The following ACOT9 variants were observed in gnomAD, a reference collection of about 807,000 sequenced individuals.
ACOT9 encodes acyl-CoA thioesterase 9, also known as acyl-coenzyme A thioesterase 9, mitochondrial.
Under a neutral mutation model 39.7 loss-of-function variants are expected in ACOT9, and 34 were observed. The observed-to-expected ratio is 0.86, with a 90% CI of 0.65 to 1.14. ACOT9 has a LOEUF of 1.14. ACOT9 is among the 50% of genes most tolerant of loss of function. ACOT9 has a pLI of 0.00. For missense variants in ACOT9, 313 were observed against 344.1 expected, an observed-to-expected ratio of 0.91 and a Z score of 0.71; for synonymous variants, 110 against 120.5, an observed-to-expected ratio of 0.91 and a Z score of 0.57.
At chrX:23,740,717 TACACACACACACACACAC>T (rs67075682) in intron 1 of ACOT9, among the ~76,000 whole-genome samples, 53 of 92,102 alleles carry the variant, frequency 5.8e-4, no homozygotes, top group South Asian at 2.4e-3. Flanking sequence ...CCCCAATACA[TACACACACACACACACAC>T]ACACACACAC....
rs149412949 is a variant in ACOT9 at position 23,706,681 on chromosome X, G to A, written c.789C>T (p.Ser263=). ...SSTSLLKMAP[S]AEERTTIHEM... ...CATGTATGGTGGTCCTCTCCTCAGC[G>A]CTGGGGGCCATTTTCAGTAACGACG... The change falls in exon 11 of 16, where the codon AGC becomes AGT. Residue 263 remains serine (S), a synonymous_variant. Transcript: ENST00000379303. The A allele has an allele frequency of 5.3e-4, 641 of 1,203,586 alleles. 2 individuals are homozygous for A. The highest frequency in any genetic ancestry group is 2.3e-3 in the Middle Eastern group (10 of 4,307).
At chrX:23,724,363 A>G (rs1929430758) in intron 6 of ACOT9, among the ~76,000 whole-genome samples, 1 of 112,228 alleles carries the variant, frequency 8.9e-6, no homozygotes, top group South Asian at 3.7e-4. Context: ...GGGAGGGCAC[A>G]GTTGTTCACA....
chrX:23,738,765 A>T (rs536760979), intron 1 of ACOT9, among the ~76,000 whole-genome samples: 1 of 112,402 alleles, frequency 8.9e-6, no homozygotes, highest in Non-Finnish European at 1.9e-5. Flanking sequence ...AATGTATCCA[A>T]CATAAGAAAT....
In ACOT9 at chrX:23,735,935, G is replaced by T. The variant is rs187309232; in HGVS notation, c.102C>A (p.Ile34=). 8 of 1,210,629 alleles carry T rather than the reference G, an allele frequency of 6.6e-6. No individual in the cohort carries two copies. In the Admixed American group the frequency reaches 1.1e-4, roughly 16 times the overall value. The part of the protein sequence containing the change: ...QGPQNPKKQG[I]FHIHEACSSI... ...CATGCTTGCCTTCATGAATGTGGAAGATTCCCTGTTTCTTGGGGTTCTGGG... is the reference window on the plus strand; with the variant it reads ...CATGCTTGCCTTCATGAATGTGGAATATTCCCTGTTTCTTGGGGTTCTGGG... Residue 34 remains isoleucine, a synonymous_variant, in exon 2 of 16, where the codon ATC becomes ATA. Coordinates refer to ENST00000379303, the MANE Select transcript of ACOT9 (RefSeq NM_001037171.2).
chrX:23,739,797 C>CA (rs1390462629), intron 1 of ACOT9, among the ~76,000 whole-genome samples: 16 of 106,393 alleles, frequency 1.5e-4, no homozygotes, highest in African/African-American at 4.8e-4. Flanking sequence ...ACTCTGTCTC[C>CA]AAAAAAAAAG....
chrX:23,711,766 C>T, intron 9 of ACOT9, among the ~76,000 whole-genome samples: 1 of 111,232 alleles, frequency 9.0e-6, no homozygotes, highest in Non-Finnish European at 1.9e-5. Context: ...CTGCTTGAAC[C>T]CACACACTAA....
intron 9 of ACOT9, among the ~76,000 whole-genome samples, chrX:23,711,288 G>C (rs113799263): frequency 0.2 from 22,589 of 110,291 alleles, 1,818 homozygotes; most frequent in African/African-American, 0.26. Context: ...CGCCACTGCA[G>C]TCCAGTGTGG....
chrX:23,722,139 GT>G (rs1929340755), intron 7 of ACOT9, among the ~76,000 whole-genome samples, 155 bp from the exon 8 acceptor site: 1 of 112,130 alleles, frequency 8.9e-6, no homozygotes, highest in Admixed American at 9.5e-5. Flanking sequence ...ATCTACATGT[GT>G]TTTTGAAAAA....
intron 2 of ACOT9, among the ~76,000 whole-genome samples, 192 bp from the exon 3 acceptor site, chrX:23,734,559 T>C (rs1291384855): frequency 1.8e-5 from 2 of 112,170 alleles, no homozygotes; most frequent in African/African-American, 6.5e-5. Context: ...AAACCAAATA[T>C]AATTTATATG....
chrX:23,717,760 T>C (rs1051004817), intron 8 of ACOT9, among the ~76,000 whole-genome samples: 1 of 111,596 alleles, frequency 9.0e-6, no homozygotes, highest in African/African-American at 3.3e-5. Context: ...AAATAGAAAT[T>C]TGAGGCCACC....
chrX:23,730,694 T>C (rs967619770), intron 5 of ACOT9, 122 bp downstream of exon 5: 8 of 958,029 alleles, frequency 8.4e-6, no homozygotes, highest in Non-Finnish European at 1.2e-5. Flanking sequence ...ACTCTCTAAA[T>C]ATATCAAAAC....
At chrX:23,714,609 G>A (rs1379956723) in intron 8 of ACOT9, among the ~76,000 whole-genome samples, 1 of 111,212 alleles carries the variant, frequency 9.0e-6, no homozygotes, top group Non-Finnish European at 1.9e-5. Flanking sequence ...ATAGGCCTCT[G>A]AGGTTTTAAG....
chrX:23,726,171 G>A (rs952719197), intron 6 of ACOT9, among the ~76,000 whole-genome samples: 10 of 111,456 alleles, frequency 9.0e-5, no homozygotes, highest in East Asian at 2.8e-4. Flanking sequence ...TTGCACTCCA[G>A]CCTGGGCAAC....
Position 23,734,369 on chromosome X carries a change from T to C in ACOT9, c.119-2A>G. 8.5e-7 allele frequency: 1 copy of C among 1,183,088 alleles called. No homozygotes were observed. The stretch of plus-strand genomic sequence containing the variant: ...GATTCACATGTATAGATGAACATGC[T>C]ATATGAATAAAGGGAAAATCAATTA... On this transcript the variant is annotated splice_acceptor_variant, in intron 2 of 15. Coordinates refer to ENST00000379303, the MANE Select transcript of ACOT9 (RefSeq NM_001037171.2). LOFTEE classifies it high-confidence loss of function.
chrX:23,723,018 T>C (rs1929373916), intron 6 of ACOT9, among the ~76,000 whole-genome samples: 1 of 111,293 alleles, frequency 9.0e-6, no homozygotes. Context: ...AGACAGCTTG[T>C]TACCACTCCA....
chrX:23,730,479 A>G (rs765043603), intron 6 of ACOT9, 48 bp downstream of exon 6: 3 of 979,590 alleles, frequency 3.1e-6, no homozygotes, highest in East Asian at 6.1e-5. Context: ...ACAGAATTCA[A>G]TGTATATCTG....
chrX:23,716,173 T>C (rs539037995), intron 8 of ACOT9, among the ~76,000 whole-genome samples: 43 of 111,764 alleles, frequency 3.8e-4, no homozygotes, highest in African/African-American at 1.3e-3. Flanking sequence ...CATGAAGTTA[T>C]CCTGGAGCAC....
chrX:23,716,900 G>A (rs756843053), intron 8 of ACOT9, among the ~76,000 whole-genome samples: 9 of 110,467 alleles, frequency 8.1e-5, no homozygotes, highest in Admixed American at 6.8e-4. Flanking sequence ...TGTCGCCGAG[G>A]CTGGGGTGCA....
At chrX:23,710,678 A>G (rs1341418729) in intron 9 of ACOT9, among the ~76,000 whole-genome samples, 3 of 110,312 alleles carry the variant, frequency 2.7e-5, no homozygotes, top group African/African-American at 9.9e-5. Context: ...ACATGGCAAA[A>G]CCCCATCTCT....
Sources: allele counts gnomAD v4.1 joint callset (sites outside exome capture counted in the v4.1 genomes callset), GRCh38; gene constraint gnomAD v4.1.1; transcripts MANE v1.5; gene names NCBI Gene and HGNC (gene_info 2026-07-23, HGNC 2026-07-21).